Variants in RNF4 observed in about 807,000 individuals in gnomAD.
RNF4 encodes ring finger protein 4.
A neutral mutation model predicts 24.3 loss-of-function variants in RNF4; 7 were observed. That is an observed-to-expected ratio of 0.29 (90% CI 0.16 to 0.54). RNF4 has a LOEUF of 0.54. Among genes scored for constraint, RNF4 ranks in the 20% least tolerant of loss-of-function variants. The probability of loss-of-function intolerance (pLI) is 0.95; values close to 1 mark genes in which losing one functional copy is unlikely to be tolerated. For synonymous variants in RNF4, 83 were observed against 84.3 expected, an observed-to-expected ratio of 0.98 and a Z score of 0.09; for missense variants, 209 against 248.5, an observed-to-expected ratio of 0.84 and a Z score of 1.07.
In RNF4 at chr4:2,514,039, G is replaced by A. The variant is rs998777256; in HGVS notation, c.*220G>A. 11 of 592,204 alleles carry A rather than the reference G, an allele frequency of 1.9e-5. No individual in the cohort carries two copies. The highest frequency in any genetic ancestry group is 1.5e-4 in the Admixed American group (5 of 33,192). The allele number at this position is 592,204 out of a possible 1,614,324, so 36.7% of individuals were successfully genotyped here. A position where few individuals can be genotyped will look rare whatever the true frequency, so the allele number is the denominator to read the frequency against. Reference sequence around the variant, plus strand: ...CCCAGGCCATCTCTGTTCCTCTGGGGTGGTCCAGTTCTAGAGTGGGAGAAA... The same window carrying A: ...CCCAGGCCATCTCTGTTCCTCTGGGATGGTCCAGTTCTAGAGTGGGAGAAA... On this transcript the variant is annotated 3_prime_UTR_variant, in exon 8 of 8. Transcript: ENST00000314289.
In RNF4 at chr4:2,487,944, G is replaced by A. The variant is rs150240836; in HGVS notation, c.-157-2393G>A. 1.2e-4 allele frequency among the ~76,000 whole-genome samples: 19 copies of A among 152,252 alleles called. No homozygotes were observed. The East Asian group carries it at 1.3e-3, about 11-fold the overall frequency. ...AGAAAATGCTCAGCTCAGCTGGGACGGCGGTCCCTTTGGGCATCTCCTGAA... is the reference window on the plus strand; with the variant it reads ...AGAAAATGCTCAGCTCAGCTGGGACAGCGGTCCCTTTGGGCATCTCCTGAA... On this transcript the variant is annotated intron_variant, in intron 1 of 7. Coordinates refer to ENST00000314289, the MANE Select transcript of RNF4 (RefSeq NM_002938.5).
chr4:2,512,221 G>A lies in RNF4; in HGVS notation c.215-217G>A. ...TACCAGATTTTGGAGAAGGCTGGTA[G>A]CTCACAGCAGGGGTTGGGGGGTTTC... On this transcript the variant is annotated intron_variant, in intron 5 of 7. Coordinates refer to ENST00000314289, the MANE Select transcript of RNF4 (RefSeq NM_002938.5). The surrounding 1 kb of genome is among the most constrained non-coding windows in gnomAD (Gnocchi z 4.1). The A allele has an allele frequency of 4.6e-6, 3 of 658,966 alleles. No homozygotes were observed. The highest frequency in any genetic ancestry group is 5.2e-6 in the Non-Finnish European group (2 of 384,944). The allele number at this position is 658,966 out of a possible 1,614,324, so 40.8% of individuals were successfully genotyped here. A position where few individuals can be genotyped will look rare whatever the true frequency, so the allele number is the denominator to read the frequency against.
chr4:2,495,911 C>T (rs572812177), intron 2 of RNF4, among the ~76,000 whole-genome samples: 1 of 152,278 alleles, frequency 6.6e-6, no homozygotes, highest in South Asian at 2.1e-4. Context: ...GATTACAGGC[C>T]TGAGCCACTG....
At chr4:2,503,027 G>A (rs1023322705) in intron 4 of RNF4, among the ~76,000 whole-genome samples, 10 of 151,802 alleles carry the variant, frequency 6.6e-5, no homozygotes, top group Non-Finnish European at 1.3e-4. Flanking sequence ...AATTTGGGTC[G>A]GGTGGTGGTG....
chr4:2,485,815 C>G (rs1735388385), intron 1 of RNF4, among the ~76,000 whole-genome samples: 1 of 152,140 alleles, frequency 6.6e-6, no homozygotes, highest in Admixed American at 6.5e-5. Context: ...GAGCCTTGTC[C>G]TCGTAGCGCT....
intron 3 of RNF4, among the ~76,000 whole-genome samples, chr4:2,500,383 C>T (rs1041989258): frequency 6.6e-6 from 1 of 151,968 alleles, no homozygotes; most frequent in African/African-American, 2.4e-5. Context: ...AGTGGGATGC[C>T]GTGGAATAGA....
intron 4 of RNF4, among the ~76,000 whole-genome samples, chr4:2,506,681 C>G (rs1211684496): frequency 6.6e-6 from 1 of 151,778 alleles, no homozygotes; most frequent in African/African-American, 2.4e-5. Context: ...GAGCTTCCTG[C>G]CTCAGCCTCC....
Position 2,514,493 on chromosome 4 carries a change from G to C in RNF4, c.*674G>C, listed in dbSNP as rs1049709348. Reference sequence around the variant, plus strand: ...CAGCCCACAAGATGTAGCACTATTAGTGTCCCCCTCAGAGGCTTAATGTTG... The same window carrying C: ...CAGCCCACAAGATGTAGCACTATTACTGTCCCCCTCAGAGGCTTAATGTTG... On this transcript the variant is annotated 3_prime_UTR_variant, in exon 8 of 8. Transcript: ENST00000314289. 6.5e-6 allele frequency: 1 copy of C among 153,780 alleles called. No individual in the cohort carries two copies. Among genetic ancestry groups the C allele is most frequent in the Non-Finnish European group, 1.5e-5 (1 of 68,900 alleles). The allele number at this position is 153,780 out of a possible 1,614,324, so 9.5% of individuals were successfully genotyped here.
rs758060811 is a variant in RNF4 at position 2,512,913 on chromosome 4, A to G, written c.375-170A>G. Among the ~76,000 whole-genome samples, 7 of 152,148 alleles carry G rather than the reference A, an allele frequency of 4.6e-5. No homozygotes were observed. The highest frequency in any genetic ancestry group is 1.3e-4 in the Admixed American group (2 of 15,280). Reference sequence around the variant, plus strand: ...CACCTTCTCATGTTCACCCTCCCACATGCCCTTGGGGCAGTTGGCTTTCCT... The same window carrying G: ...CACCTTCTCATGTTCACCCTCCCACGTGCCCTTGGGGCAGTTGGCTTTCCT... On this transcript the variant is annotated intron_variant, in intron 6 of 7. Coordinates refer to ENST00000314289, the MANE Select transcript of RNF4 (RefSeq NM_002938.5). This position sits in a 1 kb window ranked among gnomAD's most constrained non-coding sequence, Gnocchi z 4.1.
intron 2 of RNF4, 160 bp downstream of exon 2, chr4:2,490,662 T>C: frequency 3.0e-6 from 2 of 674,776 alleles, no homozygotes; most frequent in South Asian, 2.1e-5. Context: ...TACATCAGCT[T>C]ACTTACCGAC....
chr4:2,499,205 A>G (rs1186847355), intron 3 of RNF4: 1 of 394,326 alleles, frequency 2.5e-6, no homozygotes. Flanking sequence ...TCAAAAAAAA[A>G]AAGTTAAATG....
At chr4:2,506,503 C>T (rs1040499827) in intron 4 of RNF4, among the ~76,000 whole-genome samples, 3 of 151,810 alleles carry the variant, frequency 2.0e-5, no homozygotes, top group Non-Finnish European at 4.4e-5. Context: ...TTTTTAACAG[C>T]AAATAATCTT....
chr4:2,490,667 A>G (rs1735552588), intron 2 of RNF4, 165 bp downstream of exon 2: 1 of 646,268 alleles, frequency 1.5e-6, no homozygotes, highest in Non-Finnish European at 2.6e-6. Context: ...CAGCTTACTT[A>G]CCGACATTGA....
chr4:2,509,927 C>G (rs1482277949), intron 4 of RNF4, among the ~76,000 whole-genome samples: 1 of 152,202 alleles, frequency 6.6e-6, no homozygotes, highest in Admixed American at 6.5e-5. Flanking sequence ...CCCAGCTAAA[C>G]CCAAGGCTTT....
chr4:2,502,450 C>T (rs1196062875), intron 4 of RNF4, among the ~76,000 whole-genome samples: 1 of 152,058 alleles, frequency 6.6e-6, no homozygotes, highest in Non-Finnish European at 1.5e-5. Context: ...CTTTGGGAGG[C>T]CGAGGTGGGC....
At chr4:2,479,844 G>A (rs1180119621) in intron 1 of RNF4, 2 of 152,076 alleles carry the variant, frequency 1.3e-5, no homozygotes, top group African/African-American at 4.8e-5. Flanking sequence ...CCCCATCTCT[G>A]AAATTATTTT....
chr4:2,490,242 C>T (rs1331190839), intron 1 of RNF4, 95 bp from the exon 2 acceptor site: 16 of 463,562 alleles, frequency 3.5e-5, no homozygotes, highest in Non-Finnish European at 4.3e-5. Flanking sequence ...AAGCAAATAA[C>T]CTAGGGACAG....
chr4:2,499,615 A>G (rs1448509901), intron 3 of RNF4, among the ~76,000 whole-genome samples: 2 of 152,150 alleles, frequency 1.3e-5, no homozygotes, highest in Non-Finnish European at 2.9e-5. Flanking sequence ...TAGTAATCAG[A>G]AATAAAAATG....
intron 4 of RNF4, among the ~76,000 whole-genome samples, chr4:2,501,252 T>A (rs1377674101): frequency 6.6e-6 from 1 of 152,252 alleles, no homozygotes; most frequent in African/African-American, 2.4e-5. Context: ...TGGTGCCCAG[T>A]CACTGTGAGT....
Sources: gnomAD v4.1 joint callset for allele counts (sites outside exome capture counted in the v4.1 genomes callset) on GRCh38, gnomAD v4.1.1 for gene constraint, Gnocchi (gnomAD v3.1) non-coding constraint, MANE v1.5 for transcripts, NCBI Gene and HGNC (gene_info 2026-07-23, HGNC 2026-07-21) for gene names.